XYLT1: variants seen among roughly 807,000 people sequenced by gnomAD.
XYLT1 encodes the protein xylosyltransferase 1.
A neutral mutation model predicts 91.3 loss-of-function variants in XYLT1; 36 were observed. That is an observed-to-expected ratio of 0.39 (90% confidence interval 0.30 to 0.52). XYLT1 has a LOEUF of 0.52. Ranked by LOEUF, XYLT1 falls within the 20% of genes least tolerant of loss-of-function variation. The pLI is 0.68. For synonymous variants in XYLT1, 588 were observed against 532.0 expected (o/e 1.11, Z -1.45); for missense variants, 1,242 against 1,284.5 (o/e 0.97, Z 0.51).
At chr16:17,109,538 G>A (rs1420520582) in intron 11 of XYLT1, among the ~76,000 whole-genome samples, 1 of 152,116 alleles carries the variant, frequency 6.6e-6, no homozygotes, top group Non-Finnish European at 1.5e-5. Context: ...TAAGTGTCAT[G>A]AAGGCAAAAA....
intron 5 of XYLT1, among the ~76,000 whole-genome samples, chr16:17,164,606 T>C (rs2031635365): frequency 6.6e-6 from 1 of 152,212 alleles, no homozygotes; most frequent in Non-Finnish European, 1.5e-5. Flanking sequence ...GTACCTGACA[T>C]AAGTGGAATT....
chr16:17,379,761 T>TCACACACACACA lies in XYLT1; in HGVS notation c.364-21712_364-21711insTGTGTGTGTGTG, dbSNP rs1466780792. On this transcript the variant is annotated intron_variant, in intron 1 of 11. Transcript: ENST00000261381. ...CTCTCTCTCTCTCTCTCTCTCTCTCTCTCACACACACACACACACACACAC... is the reference window on the plus strand; with the variant it reads ...CTCTCTCTCTCTCTCTCTCTCTCTCTCACACACACACACTCACACACACACACACACACACAC... 5.9e-3 allele frequency among the ~76,000 whole-genome samples: 696 copies of TCACACACACACA among 117,652 alleles called. 5 individuals are homozygous for TCACACACACACA. Among genetic ancestry groups the TCACACACACACA allele is most frequent in the African/African-American group, 0.025 (653 of 26,116 alleles). 77.2% of individuals were successfully genotyped at this position (117,652 alleles called of 152,430 possible).
At chr16:17,173,928 G>A (rs763176644) in intron 5 of XYLT1, among the ~76,000 whole-genome samples, 7 of 152,290 alleles carry the variant, frequency 4.6e-5, no homozygotes, top group East Asian at 1.9e-4. Flanking sequence ...CATAGTAATC[G>A]CTTGATTATC....
intron 1 of XYLT1, among the ~76,000 whole-genome samples, chr16:17,366,239 A>G (rs149833550): frequency 2.8e-3 from 426 of 152,348 alleles, no homozygotes; most frequent in African/African-American, 9.8e-3. Context: ...CAGACTGAGT[A>G]GCTGGCCTGG....
rs191948118 is a variant in XYLT1 at position 17,165,329 on chromosome 16, C to T, written c.1290-6420G>A. On this transcript the variant is annotated intron_variant, in intron 5 of 11. Coordinates refer to ENST00000261381, the MANE Select transcript of XYLT1 (RefSeq NM_022166.4). Reference sequence around the variant, plus strand: ...TTTTGTGTAATGACCTATGCTGCTTCTCTCACTCATCAGCACGTACAGGCA... The same window carrying T: ...TTTTGTGTAATGACCTATGCTGCTTTTCTCACTCATCAGCACGTACAGGCA... 6.6e-5 allele frequency among the ~76,000 whole-genome samples: 10 copies of T among 152,326 alleles called. No homozygotes were observed. The East Asian group carries it at 1.9e-3, about 29-fold the overall frequency.
intron 6 of XYLT1, among the ~76,000 whole-genome samples, chr16:17,155,911 GC>G (rs1393506382): frequency 1.3e-5 from 2 of 152,222 alleles, no homozygotes; most frequent in Middle Eastern, 3.4e-3. Context: ...GCACCTAGAG[GC>G]AAAATTCAGG....
chr16:17,409,991 G>A (rs907657350), intron 1 of XYLT1, among the ~76,000 whole-genome samples: 2 of 152,194 alleles, frequency 1.3e-5, no homozygotes, highest in East Asian at 1.9e-4. Flanking sequence ...AAAGCCAAAT[G>A]TGGAGGCTCT....
chr16:17,333,543 T>C (rs1341176476), intron 2 of XYLT1, among the ~76,000 whole-genome samples: 4 of 151,916 alleles, frequency 2.6e-5, no homozygotes, highest in East Asian at 1.9e-4. Context: ...AACGTCCATG[T>C]CACCTCCAAA....
At chr16:17,139,038 A>G (rs1281870085) in intron 7 of XYLT1, among the ~76,000 whole-genome samples, 1 of 152,154 alleles carries the variant, frequency 6.6e-6, no homozygotes, top group Non-Finnish European at 1.5e-5. Context: ...CTTGCTGTCC[A>G]TGGTACTGAA....
chr16:17,372,453 G>A (rs2035547532), intron 1 of XYLT1, among the ~76,000 whole-genome samples: 1 of 152,132 alleles, frequency 6.6e-6, no homozygotes, highest in African/African-American at 2.4e-5. Context: ...GGTGTTAGAG[G>A]GGCACAGTGT....
intron 1 of XYLT1, among the ~76,000 whole-genome samples, chr16:17,402,048 C>A (rs1378233152): frequency 2.0e-5 from 3 of 151,870 alleles, no homozygotes; most frequent in Non-Finnish European, 4.4e-5. Context: ...CCTGTAATCC[C>A]AACACTTCGG....
At position 17,405,339 on chromosome 16, in the gene XYLT1, C is replaced by T. The variant is rs2036019278; in HGVS notation, c.364-47289G>A. 3.3e-5 allele frequency among the ~76,000 whole-genome samples: 5 copies of T among 152,210 alleles called. No homozygotes were observed. In the South Asian group the frequency reaches 1.0e-3, roughly 32 times the overall value. On this transcript the variant is annotated intron_variant, in intron 1 of 11. Coordinates refer to ENST00000261381, the MANE Select transcript of XYLT1 (RefSeq NM_022166.4). ...GAGAAACAGCGTGGCTGCCAAGGCCCAGTGGAGGGAGAAGGCCTTGAAAAG... is the reference window on the plus strand; with the variant it reads ...GAGAAACAGCGTGGCTGCCAAGGCCTAGTGGAGGGAGAAGGCCTTGAAAAG...
intron 3 of XYLT1, among the ~76,000 whole-genome samples, chr16:17,221,975 T>C (rs1047886309): frequency 1.3e-5 from 2 of 152,132 alleles, no homozygotes; most frequent in South Asian, 2.1e-4. Context: ...AGGATCCAAA[T>C]TGCTTCAACT....
intron 2 of XYLT1, among the ~76,000 whole-genome samples, chr16:17,350,506 G>A (rs2141855486): frequency 6.6e-6 from 1 of 152,322 alleles, no homozygotes; most frequent in African/African-American, 2.4e-5. Flanking sequence ...TCACCTCCCT[G>A]CCCCACCAGG....
intron 3 of XYLT1, among the ~76,000 whole-genome samples, chr16:17,238,728 G>A (rs2033288486): frequency 6.6e-6 from 1 of 152,200 alleles, no homozygotes; most frequent in African/African-American, 2.4e-5. Context: ...CCGCCTTCTG[G>A]CTCTTAGTCA....
intron 5 of XYLT1, among the ~76,000 whole-genome samples, chr16:17,189,206 G>C (rs749314151): frequency 1.3e-5 from 2 of 152,104 alleles, no homozygotes; most frequent in Non-Finnish European, 2.9e-5. Context: ...AGGGAAAAAG[G>C]GAAGCTTGGA....
chr16:17,264,687 GCT>G (rs770704232), intron 2 of XYLT1, among the ~76,000 whole-genome samples: 1 of 152,178 alleles, frequency 6.6e-6, no homozygotes, highest in Non-Finnish European at 1.5e-5. Context: ...AGTGGCCCAT[GCT>G]CTGTGTCCTT....
chr16:17,398,126 A>C (rs1341296246), intron 1 of XYLT1, among the ~76,000 whole-genome samples: 1 of 152,140 alleles, frequency 6.6e-6, no homozygotes, highest in East Asian at 1.9e-4. Context: ...AGGCCACGTA[A>C]ATATTGAGTG....
At chr16:17,272,323 CG>C (rs1158967105) in intron 2 of XYLT1, among the ~76,000 whole-genome samples, 1 of 151,710 alleles carries the variant, frequency 6.6e-6, no homozygotes, top group Non-Finnish European at 1.5e-5. Flanking sequence ...TCACCATGCC[CG>C]GCTAATTTTT....
Sources: allele counts gnomAD v4.1 joint callset (sites outside exome capture counted in the v4.1 genomes callset), GRCh38; gene constraint gnomAD v4.1.1; transcripts MANE v1.5; gene names NCBI Gene and HGNC (gene_info 2026-07-23, HGNC 2026-07-21).